The following PTPRG variants were observed in gnomAD, a reference collection of about 807,000 sequenced individuals.
The protein encoded by PTPRG is protein tyrosine phosphatase receptor type G.
Under a neutral mutation model 165.3 loss-of-function variants are expected in PTPRG, and 102 were observed. That is an observed-to-expected ratio of 0.62 (90% confidence interval 0.53 to 0.73). The LOEUF is 0.73. PTPRG is among the 30% of genes least tolerant of loss of function. The pLI is 0.00. For missense variants in PTPRG, 1,866 were observed against 1,861.4 expected (o/e 1.00, Z -0.05); for synonymous variants, 675 against 669.5 (o/e 1.01, Z -0.13).
intron 1 of PTPRG, among the ~76,000 whole-genome samples, chr3:61,746,756 C>T (rs191308439): frequency 1.0e-3 from 155 of 152,206 alleles, no homozygotes; most frequent in African/African-American, 3.6e-3. Context: ...TTGGTGGTGG[C>T]GGGTTAGCTG....
At chr3:61,758,551 A>G (rs2033715261) in intron 2 of PTPRG, among the ~76,000 whole-genome samples, 1 of 152,124 alleles carries the variant, frequency 6.6e-6, no homozygotes, top group African/African-American at 2.4e-5. Flanking sequence ...TCCTGGGTTC[A>G]AACAATTCTC....
intron 6 of PTPRG, among the ~76,000 whole-genome samples, chr3:62,154,351 C>A (rs1453930075): frequency 6.6e-6 from 1 of 152,130 alleles, no homozygotes; most frequent in Non-Finnish European, 1.5e-5. Flanking sequence ...GTCTACCCAC[C>A]TCGCCACCGA....
intron 5 of PTPRG, among the ~76,000 whole-genome samples, chr3:62,107,099 C>A (rs1702498907): frequency 6.6e-6 from 1 of 152,136 alleles, no homozygotes; most frequent in African/African-American, 2.4e-5. Flanking sequence ...AAATGTGAAA[C>A]AGTTATAGAA....
At chr3:61,888,651 A>C (rs1033439748) in intron 2 of PTPRG, among the ~76,000 whole-genome samples, 9 of 152,220 alleles carry the variant, frequency 5.9e-5, no homozygotes, top group African/African-American at 1.9e-4. Flanking sequence ...ATTTTCTTAC[A>C]TAACAAAAGT....
chr3:61,608,871 CTAT>C (rs1701086545), intron 1 of PTPRG, among the ~76,000 whole-genome samples: 1 of 152,168 alleles, frequency 6.6e-6, no homozygotes, highest in South Asian at 2.1e-4. Flanking sequence ...TGAGCCCTTG[CTAT>C]TGTCCCTTTA....
intron 2 of PTPRG, among the ~76,000 whole-genome samples, chr3:61,930,698 A>G (rs758913651): frequency 4.6e-5 from 7 of 152,206 alleles, no homozygotes; most frequent in Admixed American, 1.3e-4. Context: ...TTCCAAAATT[A>G]CAATTATAGT....
intron 1 of PTPRG, among the ~76,000 whole-genome samples, chr3:61,572,875 G>A (rs1301757634): frequency 6.6e-6 from 1 of 152,210 alleles, no homozygotes; most frequent in Admixed American, 6.5e-5. Context: ...CCCAAGCATA[G>A]GTGATTTTCC....
At chr3:62,064,604 G>A (rs1023136234) in intron 4 of PTPRG, among the ~76,000 whole-genome samples, 1 of 151,416 alleles carries the variant, frequency 6.6e-6, no homozygotes, top group African/African-American at 2.4e-5. Context: ...ATTTGTCTTT[G>A]TATATGCAGC....
intron 2 of PTPRG, among the ~76,000 whole-genome samples, chr3:61,754,165 G>C (rs749930837): frequency 6.6e-6 from 1 of 152,150 alleles, no homozygotes; most frequent in African/African-American, 2.4e-5. Flanking sequence ...TCTGGCATTG[G>C]GCTGGGTGAA....
In PTPRG at chr3:61,654,629, G is replaced by T. The variant is rs992911369; in HGVS notation, c.85+92257G>T. 1.3e-4 allele frequency among the ~76,000 whole-genome samples: 20 copies of T among 151,294 alleles called. 1 individual carries two copies. Among genetic ancestry groups the T allele is most frequent in the South Asian group, 8.4e-4 (4 of 4,770 alleles). On this transcript the variant is annotated intron_variant, in intron 1 of 29. Transcript: ENST00000474889. ...TTGAACTCCTGAGCTCAGGCAGTCCGCCCGCCTCAGCCTCCCAAAGTGCTG... is the reference window on the plus strand; with the variant it reads ...TTGAACTCCTGAGCTCAGGCAGTCCTCCCGCCTCAGCCTCCCAAAGTGCTG...
intron 1 of PTPRG, among the ~76,000 whole-genome samples, chr3:61,641,927 A>G (rs980186109): frequency 2.6e-5 from 4 of 152,132 alleles, no homozygotes; most frequent in African/African-American, 7.2e-5. Flanking sequence ...GTGCACATTT[A>G]GCTAATGAAT....
intron 5 of PTPRG, chr3:62,124,554 G>A (rs959036660): frequency 1.3e-4 from 177 of 1,411,956 alleles, no homozygotes; most frequent in South Asian, 2.5e-4. Context: ...ATGCCCAGGC[G>A]GTGGTCCAAC....
chr3:61,787,396 T>G (rs1269191610), intron 2 of PTPRG, among the ~76,000 whole-genome samples: 2 of 152,226 alleles, frequency 1.3e-5, no homozygotes, highest in Non-Finnish European at 2.9e-5. Flanking sequence ...TAAGGCAACT[T>G]TGGTAGCATC....
At chr3:61,817,386 A>G (rs1488153100) in intron 2 of PTPRG, among the ~76,000 whole-genome samples, 2 of 150,748 alleles carry the variant, frequency 1.3e-5, no homozygotes, top group South Asian at 2.1e-4. Context: ...ACCTTTTCAT[A>G]TTTCTAAGAA....
intron 4 of PTPRG, among the ~76,000 whole-genome samples, chr3:62,058,580 G>A (rs1407269545): frequency 6.6e-6 from 1 of 152,080 alleles, no homozygotes; most frequent in Non-Finnish European, 1.5e-5. Flanking sequence ...ATACTGCCAA[G>A]CTTCATTCTT....
At chr3:61,734,870 G>A (rs1433475763) in intron 1 of PTPRG, among the ~76,000 whole-genome samples, 1 of 152,138 alleles carries the variant, frequency 6.6e-6, no homozygotes, top group African/African-American at 2.4e-5. Flanking sequence ...GAGAGGGGGG[G>A]AATAATACTG....
At chr3:62,170,947 C>T (rs1383644289) in intron 8 of PTPRG, among the ~76,000 whole-genome samples, 3 of 152,196 alleles carry the variant, frequency 2.0e-5, no homozygotes, top group Non-Finnish European at 4.4e-5. Context: ...TTCCTAATCA[C>T]TCTGTGTTCC....
At chr3:61,730,029 G>A (rs189553065) in intron 1 of PTPRG, among the ~76,000 whole-genome samples, 3 of 152,170 alleles carry the variant, frequency 2.0e-5, no homozygotes, top group Non-Finnish European at 2.9e-5. Flanking sequence ...ATGATAGTGC[G>A]TCTTATTTTG....
chr3:62,107,436 T>C lies in PTPRG; in HGVS notation c.616-25166T>C, dbSNP rs113772976. Among the ~76,000 whole-genome samples, 186 of 152,358 alleles carry C rather than the reference T, an allele frequency of 1.2e-3. 1 individual carries two copies. Among genetic ancestry groups the C allele is most frequent in the African/African-American group, 4.1e-3 (171 of 41,592 alleles). On this transcript the variant is annotated intron_variant, in intron 5 of 29. Transcript: ENST00000474889. ...CCTATAACAGATAACACAAAGAAGA[T>C]AGCTTTTTATAACTCAAACAAAATG...
Sources: gnomAD v4.1 joint callset for allele counts (sites outside exome capture counted in the v4.1 genomes callset) on GRCh38, gnomAD v4.1.1 for gene constraint, MANE v1.5 for transcripts, NCBI Gene and HGNC (gene_info 2026-07-23, HGNC 2026-07-21) for gene names.